The following EPHA6 variants were observed in gnomAD, a reference collection of about 807,000 sequenced individuals.
The protein encoded by EPHA6 is EPH receptor A6.
EPHA6 carries 50 observed loss-of-function variants against 112.0 expected under a neutral mutation model. The ratio of observed to expected loss-of-function variants is 0.45; its 90% CI spans 0.36 to 0.56. The LOEUF (loss-of-function observed/expected upper bound fraction) is 0.56. Ranked by LOEUF, EPHA6 falls within the 20% of genes least tolerant of loss-of-function variation. EPHA6 has a pLI of 0.00. For missense variants in EPHA6, 1,280 were observed against 1,417.4 expected, an observed-to-expected ratio of 0.90 and a Z score of 1.56; for synonymous variants, 529 against 490.7, an observed-to-expected ratio of 1.08 and a Z score of -1.03.
intron 3 of EPHA6, among the ~76,000 whole-genome samples, chr3:97,125,075 G>T (rs1452164052): frequency 6.6e-6 from 1 of 152,124 alleles, no homozygotes; most frequent in African/African-American, 2.4e-5. Context: ...AGAAATGCAG[G>T]ATATCATAAA....
At chr3:97,605,195 T>A (rs2093671748) in intron 12 of EPHA6, among the ~76,000 whole-genome samples, 1 of 151,336 alleles carries the variant, frequency 6.6e-6, no homozygotes, top group Non-Finnish European at 1.5e-5. Flanking sequence ...TTTTAAAGTA[T>A]ATGATTTTTG....
At chr3:97,507,612 G>A (rs2092281303) in intron 10 of EPHA6, among the ~76,000 whole-genome samples, 1 of 152,068 alleles carries the variant, frequency 6.6e-6, no homozygotes, top group African/African-American at 2.4e-5. Flanking sequence ...AGGGATATTG[G>A]TCTGAAATTT....
At chr3:97,633,698 A>G (rs2093922845) in intron 13 of EPHA6, among the ~76,000 whole-genome samples, 1 of 152,100 alleles carries the variant, frequency 6.6e-6, no homozygotes, top group South Asian at 2.1e-4. Flanking sequence ...ACAAGATAGG[A>G]TCAAAAGTTA....
chr3:97,576,803 G>C (rs1446005394), intron 11 of EPHA6, among the ~76,000 whole-genome samples: 2 of 151,126 alleles, frequency 1.3e-5, no homozygotes, highest in Admixed American at 6.8e-5. Flanking sequence ...CATAATGGTA[G>C]AATGTATAAG....
intron 3 of EPHA6, among the ~76,000 whole-genome samples, chr3:97,183,256 T>G (rs2077038887): frequency 6.6e-6 from 1 of 152,008 alleles, no homozygotes; most frequent in Admixed American, 6.6e-5. Flanking sequence ...ATATCATCAC[T>G]CTCCCTGACT....
intron 12 of EPHA6, among the ~76,000 whole-genome samples, chr3:97,607,831 T>C (rs1301203997): frequency 6.6e-6 from 1 of 151,120 alleles, no homozygotes; most frequent in Non-Finnish European, 1.5e-5. Context: ...TCCCAATATA[T>C]CTTCCAAGAG....
chr3:97,116,400 A>G (rs1194045815), intron 3 of EPHA6, among the ~76,000 whole-genome samples: 2 of 151,732 alleles, frequency 1.3e-5, no homozygotes, highest in African/African-American at 2.4e-5. Context: ...ATTTTCAGGT[A>G]TACAATACAG....
chr3:97,183,650 A>G (rs946202204), intron 3 of EPHA6, among the ~76,000 whole-genome samples: 3 of 152,142 alleles, frequency 2.0e-5, no homozygotes, highest in African/African-American at 4.8e-5. Flanking sequence ...GCCTCACTTT[A>G]TAATATTAAA....
intron 14 of EPHA6, among the ~76,000 whole-genome samples, chr3:97,677,445 G>T (rs750728819): frequency 7.2e-5 from 11 of 152,144 alleles, no homozygotes; most frequent in Non-Finnish European, 1.5e-4. Context: ...GTGAGGCCAG[G>T]CATGGTGGCT....
chr3:97,585,015 G>A (rs772209203), intron 11 of EPHA6, among the ~76,000 whole-genome samples: 14 of 152,276 alleles, frequency 9.2e-5, no homozygotes, highest in East Asian at 1.9e-4. Context: ...CATGATGGAC[G>A]TATTAGCAGA....
intron 2 of EPHA6, among the ~76,000 whole-genome samples, chr3:96,911,359 C>T (rs1173420873): frequency 6.6e-6 from 1 of 152,012 alleles, no homozygotes; most frequent in African/African-American, 2.4e-5. Flanking sequence ...AAGTTAATCT[C>T]ACTTTAATGT....
intron 11 of EPHA6, among the ~76,000 whole-genome samples, chr3:97,543,585 T>C (rs2092900345): frequency 6.6e-6 from 1 of 152,176 alleles, no homozygotes; most frequent in African/African-American, 2.4e-5. Context: ...TGGGCTCTTT[T>C]TTGGTTCCAT....
intron 1 of EPHA6, among the ~76,000 whole-genome samples, chr3:96,849,666 C>T (rs1375804475): frequency 6.6e-6 from 1 of 152,044 alleles, no homozygotes; most frequent in Non-Finnish European, 1.5e-5. Context: ...ATCAGAGAGG[C>T]CTTAGGCATA....
intron 6 of EPHA6, among the ~76,000 whole-genome samples, chr3:97,427,942 G>C (rs557623759): frequency 6.6e-6 from 1 of 152,202 alleles, no homozygotes; most frequent in South Asian, 2.1e-4. Context: ...GGACGGTGCT[G>C]TCTATGGGGC....
intron 3 of EPHA6, among the ~76,000 whole-genome samples, chr3:97,116,001 A>G (rs1576515555): frequency 6.6e-6 from 1 of 151,746 alleles, no homozygotes; most frequent in Admixed American, 6.6e-5. Flanking sequence ...TTTGTCCCAA[A>G]GGCAAACTGA....
intron 17 of EPHA6, among the ~76,000 whole-genome samples, chr3:97,748,316 T>G (rs2035799152): frequency 6.6e-6 from 1 of 152,092 alleles, no homozygotes; most frequent in Non-Finnish European, 1.5e-5. Flanking sequence ...ATATATATAT[T>G]ATTACATCTG....
chr3:96,967,434 T>C lies in EPHA6; in HGVS notation c.451-19896T>C, dbSNP rs187299079. Among the ~76,000 whole-genome samples the C allele has an allele frequency of 3.2e-3, 483 of 151,938 alleles. 2 individuals are homozygous for C. In the Middle Eastern group the frequency reaches 0.037, roughly 12 times the overall value. ...CTTTTTCACGCTGAATTTTACTGAC[T>C]GTATGATATTCTGTCATTTCACTTT... On this transcript the variant is annotated intron_variant, in intron 2 of 17. Transcript: ENST00000389672.
At chr3:97,350,417 T>C (rs1489103394) in intron 5 of EPHA6, among the ~76,000 whole-genome samples, 2 of 152,166 alleles carry the variant, frequency 1.3e-5, no homozygotes, top group Non-Finnish European at 2.9e-5. Flanking sequence ...TTGTGTTGAA[T>C]ATTTTCTTGC....
chr3:97,449,042 G>A (rs575559337), intron 7 of EPHA6, among the ~76,000 whole-genome samples: 2 of 152,252 alleles, frequency 1.3e-5, no homozygotes, highest in East Asian at 1.9e-4. Context: ...AAACTTGGGA[G>A]AGAATAAAGC....
Sources: allele counts gnomAD v4.1 joint callset (sites outside exome capture counted in the v4.1 genomes callset), GRCh38; gene constraint gnomAD v4.1.1; transcripts MANE v1.5; gene names NCBI Gene and HGNC (gene_info 2026-07-23, HGNC 2026-07-21).